SCN3B: variants seen among roughly 807,000 people sequenced by gnomAD.
SCN3B encodes sodium channel regulatory subunit beta-3.
Under a neutral mutation model 25.4 loss-of-function variants are expected in SCN3B, and 11 were observed. The observed-to-expected ratio is 0.43, with a 90% CI of 0.27 to 0.72. The LOEUF (loss-of-function observed/expected upper bound fraction) is 0.72, where lower values mean the gene tolerates loss of function less well. SCN3B is among the 30% of genes least tolerant of loss of function. The pLI is 0.18. For missense variants in SCN3B, 218 were observed against 278.3 expected, an observed-to-expected ratio of 0.78 and a Z score of 1.54; for synonymous variants, 109 against 110.7, an observed-to-expected ratio of 0.99 and a Z score of 0.09.
At position 123,630,460 on chromosome 11, in the gene SCN3B, GAT is replaced by G. The variant is rs1410778239; in HGVS notation, c.*3337_*3338del. ...AGACAACAGATGGGGTTTCTAAAGT[GAT>G]ATTAATAGCCCTTGAGAACTCTTCT... On this transcript the variant is annotated 3_prime_UTR_variant, in exon 7 of 7. Coordinates refer to ENST00000299333, the MANE Select transcript of SCN3B (RefSeq NM_001040151.2). 6.6e-6 allele frequency: 1 copy of G among 152,622 alleles called. No homozygotes were observed. The highest frequency in any genetic ancestry group is 6.5e-5 in the Admixed American group (1 of 15,278). The allele number at this position is 152,622 out of a possible 1,614,324, so 9.5% of individuals were successfully genotyped here.
chr11:123,644,803 ATATATATAT>A (rs1157977774), intron 3 of SCN3B, among the ~76,000 whole-genome samples: 47 of 23,880 alleles, frequency 2.0e-3, no homozygotes, highest in African/African-American at 0.012. Flanking sequence ...GAGAGAGAAT[ATATATATAT>A]ATATATATAT....
At chr11:123,641,516 C>T (rs1955791248) in intron 4 of SCN3B, among the ~76,000 whole-genome samples, 1 of 152,186 alleles carries the variant, frequency 6.6e-6, no homozygotes, top group Non-Finnish European at 1.5e-5. Flanking sequence ...AGAGCCCTGT[C>T]TTTAACTTGA....
chr11:123,634,748 G>T (rs144500123), intron 5 of SCN3B, among the ~76,000 whole-genome samples: 272 of 152,220 alleles, frequency 1.8e-3, no homozygotes, highest in African/African-American at 6.3e-3. Flanking sequence ...ATAAAATGTT[G>T]GTCAAAATGA....
chr11:123,641,787 A>G (rs2137241000), intron 4 of SCN3B, among the ~76,000 whole-genome samples: 1 of 152,348 alleles, frequency 6.6e-6, no homozygotes, highest in South Asian at 2.1e-4. Context: ...AAGAGATGCC[A>G]CAGATGGGGA....
At chr11:123,643,415 G>A (rs1955813123) in intron 3 of SCN3B, among the ~76,000 whole-genome samples, 1 of 152,224 alleles carries the variant, frequency 6.6e-6, no homozygotes, top group East Asian at 1.9e-4. Flanking sequence ...GCTTCTATGT[G>A]CCATTCTCTC....
rs1565497206 is a variant in SCN3B, at chr11:123,645,763, CAG to C, written c.56-15_56-14del. ...AAGCAGACACTGACTGCAGAGAGGACAGATGGACAGGGAAGGAACAGCAGGTG... is the reference window on the plus strand; with the variant it reads ...AAGCAGACACTGACTGCAGAGAGGACATGGACAGGGAAGGAACAGCAGGTG... On this transcript the variant is annotated splice_polypyrimidine_tract_variant and intron_variant, in intron 2 of 6. Coordinates refer to ENST00000299333, the MANE Select transcript of SCN3B (RefSeq NM_001040151.2). 1 of 1,613,792 alleles carries C rather than the reference CAG, an allele frequency of 6.2e-7. No individual in the cohort carries two copies.
intron 3 of SCN3B, among the ~76,000 whole-genome samples, chr11:123,644,817 ATATATAT>A (rs1190797568): frequency 1.2e-5 from 1 of 82,458 alleles, no homozygotes; most frequent in African/African-American, 8.9e-5. Context: ...ATATATATAT[ATATATAT>A]ATATATATAT....
chr11:123,646,036 C>T (rs1955850627), intron 2 of SCN3B, among the ~76,000 whole-genome samples: 1 of 152,096 alleles, frequency 6.6e-6, no homozygotes, highest in African/African-American at 2.4e-5. Context: ...ATACTTGAGC[C>T]CTGCTCTCTA....
At position 123,653,744 on chromosome 11, in the gene SCN3B, T is replaced by C. The variant is rs767074394; in HGVS notation, c.55+3A>G. On this transcript the variant is annotated splice_donor_region_variant and intron_variant, in intron 2 of 6. Transcript: ENST00000299333. ...TCCGGCATGGCGAGGTGCTGGTACT[T>C]ACCCCAGTAGATAAGCACGAGAGAA... The C allele has an allele frequency of 3.1e-6, 5 of 1,614,104 alleles. No homozygotes were observed. In the African/African-American group the frequency reaches 5.3e-5, roughly 17 times the overall value.
At chr11:123,645,499 T>G in intron 3 of SCN3B, 88 bp downstream of exon 3, 1 of 1,341,482 alleles carries the variant, frequency 7.5e-7, no homozygotes, top group Non-Finnish European at 1.1e-6. Context: ...CAGTGTTTGC[T>G]AGCTTGGCAT....
At chr11:123,643,204 G>A (rs1307335434) in intron 3 of SCN3B, among the ~76,000 whole-genome samples, 1 of 152,208 alleles carries the variant, frequency 6.6e-6, no homozygotes, top group Non-Finnish European at 1.5e-5. Flanking sequence ...CTCATCAGGG[G>A]CTGTAGGACA....
At chr11:123,644,800 A>AGAGAGAGAGAAT (rs1272015067) in intron 3 of SCN3B, among the ~76,000 whole-genome samples, 17 of 45,586 alleles carry the variant, frequency 3.7e-4, no homozygotes, top group African/African-American at 1.2e-3. Context: ...AGAGAGAGAG[A>AGAGAGAGAGAAT]ATATATATAT....
rs1955797573 is a variant in SCN3B at position 123,642,041 on chromosome 11, C to T, written c.445+405G>A. Among the ~76,000 whole-genome samples, 1 of 152,118 alleles carries T rather than the reference C, an allele frequency of 6.6e-6. No individual in the cohort carries two copies. Among genetic ancestry groups the T allele is most frequent in the Non-Finnish European group, 1.5e-5 (1 of 68,032 alleles). On this transcript the variant is annotated intron_variant, in intron 4 of 6. Transcript: ENST00000299333. This position sits in a 1 kb window ranked among gnomAD's most constrained non-coding sequence, Gnocchi z 4.3. Reference sequence around the variant, plus strand: ...ACCCCTGGCTTAGAGGCATGTATTGCTTACAGGTAGAAGGAGAGATGACTT... The same window carrying T: ...ACCCCTGGCTTAGAGGCATGTATTGTTTACAGGTAGAAGGAGAGATGACTT...
chr11:123,642,462 T>C lies in SCN3B; in HGVS notation c.429A>G (p.Leu143=). The C allele has an allele frequency of 6.2e-7, 1 of 1,613,936 alleles. No homozygotes were observed. Among genetic ancestry groups the C allele is most frequent in the Non-Finnish European group, 8.5e-7 (1 of 1,179,966 alleles). ...PFVKTTRLIP[L]RVTEEAGEDF... Reference sequence around the variant, plus strand: ...CAGCCTCACCCTCCTCGGTGACTCTTAGGGGGATCAGCCGCGTCGTCTTCA... The same window carrying C: ...CAGCCTCACCCTCCTCGGTGACTCTCAGGGGGATCAGCCGCGTCGTCTTCA... Residue 143 remains leucine, a synonymous_variant, in exon 4 of 7, where the codon CTA becomes CTG. Transcript: ENST00000299333. The surrounding 1 kb of genome is among the most constrained non-coding windows in gnomAD (Gnocchi z 4.3).
Position 123,630,811 on chromosome 11 carries a change from G to C in SCN3B, c.*2988C>G, listed in dbSNP as rs1955662291. ...GTGGGATTAGGGGTGAGAGAAGATG[G>C]AGAACATTAGGACAGGCAAGATAGG... On this transcript the variant is annotated 3_prime_UTR_variant, in exon 7 of 7. Coordinates refer to ENST00000299333, the MANE Select transcript of SCN3B (RefSeq NM_001040151.2). The C allele has an allele frequency of 6.6e-6, 1 of 152,228 alleles. No individual in the cohort carries two copies. Among genetic ancestry groups the C allele is most frequent in the African/African-American group, 2.4e-5 (1 of 41,446 alleles). The allele number at this position is 152,228 out of a possible 1,614,324, so 9.4% of individuals were successfully genotyped here.
chr11:123,631,197 G>A lies in SCN3B; in HGVS notation c.*2602C>T, dbSNP rs1455764207. On this transcript the variant is annotated 3_prime_UTR_variant, in exon 7 of 7. Transcript: ENST00000299333. The stretch of plus-strand genomic sequence containing the variant: ...TAGATACCATTCAGCTTCATTAAAA[G>A]CCACGCAAGCAGCATCTGAGTTGGG... 6.6e-6 allele frequency: 1 copy of A among 152,170 alleles called. No homozygotes were observed. The highest frequency in any genetic ancestry group is 2.4e-5 in the African/African-American group (1 of 41,426). 9.4% of individuals were successfully genotyped at this position (152,170 alleles called of 1,614,324 possible).
intron 4 of SCN3B, chr11:123,638,691 G>A (rs1289282636): frequency 2.9e-6 from 1 of 343,686 alleles, no homozygotes; most frequent in Non-Finnish European, 5.6e-6. Flanking sequence ...AATAACACCA[G>A]TCAGGGGTTT....
chr11:123,645,823 G>T, intron 2 of SCN3B, 73 bp from the exon 3 acceptor site: 1 of 1,539,452 alleles, frequency 6.5e-7, no homozygotes, highest in Non-Finnish European at 9.0e-7. Flanking sequence ...AAACATTGGA[G>T]AAGAAGGAGG....
rs954751716 is a variant in SCN3B at position 123,636,762 on chromosome 11, C to T, written c.584+1424G>A. On this transcript the variant is annotated intron_variant, in intron 5 of 6. Transcript: ENST00000299333. ...AGGCTGGAGGGCAGTGCCGTGATCT[C>T]GGCTCACTGCAAGCTCCGCCTCCCA... is the stretch of plus-strand genomic sequence containing the variant. Among the ~76,000 whole-genome samples, 5 of 151,740 alleles carry T rather than the reference C, an allele frequency of 3.3e-5. No homozygotes were observed. In the East Asian group the frequency reaches 5.8e-4, roughly 18 times the overall value.
Sources: gnomAD v4.1 joint callset for allele counts (sites outside exome capture counted in the v4.1 genomes callset) on GRCh38, gnomAD v4.1.1 for gene constraint, Gnocchi (gnomAD v3.1) non-coding constraint, MANE v1.5 for transcripts, NCBI Gene and HGNC (gene_info 2026-07-23, HGNC 2026-07-21) for gene names.